VRK2: variants seen among roughly 807,000 people sequenced by gnomAD.
The protein encoded by VRK2 is VRK serine/threonine kinase 2.
VRK2 carries 60 observed loss-of-function variants against 57.6 expected under a neutral mutation model. The ratio of observed to expected loss-of-function variants is 1.04; its 90% CI spans 0.85 to 1.29. The LOEUF is 1.29. VRK2 is among the 50% of genes most tolerant of loss of function. The pLI is 0.00. For synonymous variants in VRK2, 231 were observed against 199.2 expected (o/e 1.16, Z -1.35); for missense variants, 705 against 588.1 (o/e 1.20, Z -2.06).
intron 1 of VRK2, among the ~76,000 whole-genome samples, chr2:58,022,032 C>A (rs1673772583): frequency 6.6e-6 from 1 of 152,160 alleles, no homozygotes; most frequent in South Asian, 2.1e-4. Flanking sequence ...CCCATTACTC[C>A]TGGACATAGC....
At chr2:58,042,809 C>G (rs1410100211), upstream of VRK2, among the ~76,000 whole-genome samples, 3 of 152,004 alleles carry the variant, frequency 2.0e-5, no homozygotes, top group Non-Finnish European at 2.9e-5. Context: ...CTAGTTTTCC[C>G]CATATTTTTT....
At chr2:57,950,096 T>C (rs1188352580) in intron 1 of VRK2, among the ~76,000 whole-genome samples, 1 of 152,206 alleles carries the variant, frequency 6.6e-6, no homozygotes, top group Non-Finnish European at 1.5e-5. Context: ...CTCTATAACA[T>C]AAAAGTGCAA....
intron 11 of VRK2, among the ~76,000 whole-genome samples, chr2:58,145,134 G>A (rs1681921894): frequency 1.3e-5 from 2 of 152,098 alleles, no homozygotes; most frequent in East Asian, 1.9e-4. Context: ...CTTCATATAA[G>A]GACCTTCGCT....
intron 2 of VRK2, among the ~76,000 whole-genome samples, chr2:58,066,928 A>C (rs539166738): frequency 6.6e-6 from 1 of 152,316 alleles, no homozygotes; most frequent in African/African-American, 2.4e-5. Flanking sequence ...TTGCCAAAGC[A>C]GATTAACATT....
chr2:58,046,587 A>G (rs1460737578), upstream of VRK2: 3 of 985,458 alleles, frequency 3.0e-6, no homozygotes, highest in Admixed American at 6.1e-5. Flanking sequence ...GTAGTAACAC[A>G]GCTCCCATTC....
At chr2:58,111,398 C>A (rs982356703) in intron 7 of VRK2, among the ~76,000 whole-genome samples, 2 of 152,060 alleles carry the variant, frequency 1.3e-5, no homozygotes, top group African/African-American at 4.8e-5. Flanking sequence ...CCCTCGTACT[C>A]ATGGAGAAGG....
chr2:57,996,072 T>C (rs1276484767), intron 1 of VRK2, among the ~76,000 whole-genome samples: 1 of 152,218 alleles, frequency 6.6e-6, no homozygotes. Flanking sequence ...GCATTAGGTA[T>C]TATAAGTAAC....
intron 12 of VRK2, among the ~76,000 whole-genome samples, chr2:58,154,366 AT>A (rs1369918214): frequency 6.6e-6 from 1 of 151,128 alleles, no homozygotes; most frequent in Non-Finnish European, 1.5e-5. Flanking sequence ...TGTATATATC[AT>A]ATCTATGGGG....
At chr2:58,034,908 T>C (rs534778472) in intron 3 of VRK2, among the ~76,000 whole-genome samples, 7 of 152,130 alleles carry the variant, frequency 4.6e-5, no homozygotes, top group African/African-American at 1.4e-4. Context: ...CATTGCCCCA[T>C]GAGGACTTGC....
chr2:57,926,585 T>C (rs916412284), intron 1 of VRK2, among the ~76,000 whole-genome samples: 8 of 151,662 alleles, frequency 5.3e-5, no homozygotes, highest in Non-Finnish European at 1.2e-4. Flanking sequence ...TACCCCTTTA[T>C]CATGATATAA....
Position 58,135,190 on chromosome 2 carries a change from A to G in VRK2, c.847A>G (p.Ser283Gly). Reference protein sequence around the residue: ...QSVLKWAPSGSSCCEIAQFLV... With the variant: ...QSVLKWAPSGGSCCEIAQFLV... ...AGTGCTTAAATGGGCTCCTTCTGGA[A>G]GCAGTTGCTGTAAGTCAAATAATAA... Residue 283 changes from serine (S) to glycine (G), a missense_variant, in exon 10 of 13, where the codon AGC (serine) becomes GGC (glycine). By Grantham distance (56) the Ser-to-Gly change is moderately conservative. Transcript: ENST00000340157. 1.2e-6 allele frequency: 2 copies of G among 1,614,182 alleles called. No homozygotes were observed. Among genetic ancestry groups the G allele is most frequent in the Non-Finnish European group, 1.7e-6 (2 of 1,180,030 alleles).
At chr2:57,912,366 A>C (rs1173646912) in intron 1 of VRK2, among the ~76,000 whole-genome samples, 1 of 152,172 alleles carries the variant, frequency 6.6e-6, no homozygotes, top group East Asian at 1.9e-4. Flanking sequence ...GCATGAAAAC[A>C]CTCAAAGTTT....
At chr2:58,088,313 A>G (rs772011355) in intron 5 of VRK2, 28 bp from the exon 6 acceptor site, 15 of 1,475,228 alleles carry the variant, frequency 1.0e-5, no homozygotes, top group Admixed American at 1.9e-5. Context: ...TCTCAGGATG[A>G]TCTCTTTTTG....
At chr2:58,087,671 A>G (rs1671819940) in intron 5 of VRK2, among the ~76,000 whole-genome samples, 1 of 152,136 alleles carries the variant, frequency 6.6e-6, no homozygotes, top group African/African-American at 2.4e-5. Flanking sequence ...GGTATATATG[A>G]TCTTATCAAG....
chr2:58,038,429 C>G (rs907955574), intron 3 of VRK2, among the ~76,000 whole-genome samples: 1 of 152,086 alleles, frequency 6.6e-6, no homozygotes, highest in Non-Finnish European at 1.5e-5. Flanking sequence ...TGAGCACACA[C>G]AGGAAGAACT....
intron 7 of VRK2, among the ~76,000 whole-genome samples, chr2:58,103,688 A>G (rs1674344224): frequency 6.6e-6 from 1 of 151,798 alleles, no homozygotes; most frequent in Non-Finnish European, 1.5e-5. Context: ...ACTGGTACCA[A>G]TCCTACTGAA....
At chr2:58,081,652 A>C (rs1176096702) in intron 2 of VRK2, among the ~76,000 whole-genome samples, 1 of 151,764 alleles carries the variant, frequency 6.6e-6, no homozygotes, top group Non-Finnish European at 1.5e-5. Flanking sequence ...TTTTTGGATA[A>C]CTCAAGGGCA....
chr2:57,965,838 G>A (rs553692596), intron 1 of VRK2, among the ~76,000 whole-genome samples: 1 of 152,106 alleles, frequency 6.6e-6, no homozygotes, highest in East Asian at 1.9e-4. Context: ...GACTTCATTG[G>A]TCATACCCTT....
intron 1 of VRK2, among the ~76,000 whole-genome samples, chr2:58,019,524 G>T (rs981705586): frequency 1.3e-5 from 2 of 152,160 alleles, no homozygotes; most frequent in African/African-American, 4.8e-5. Flanking sequence ...TATGTAACTT[G>T]ATCCATCTTT....
Sources: gnomAD v4.1 joint callset for allele counts (sites outside exome capture counted in the v4.1 genomes callset) on GRCh38, gnomAD v4.1.1 for gene constraint, MANE v1.5 for transcripts, NCBI Gene and HGNC (gene_info 2026-07-23, HGNC 2026-07-21) for gene names.